Variants in ACCS observed in about 807,000 individuals in gnomAD.
ACCS encodes 1-aminocyclopropane-1-carboxylate synthase-like protein 1.
A neutral mutation model predicts 59.8 loss-of-function variants in ACCS; 42 were observed. That is an observed-to-expected ratio of 0.70 (90% confidence interval 0.55 to 0.91). The LOEUF is 0.91. ACCS is among the 40% of genes least tolerant of loss of function. The pLI, the probability that ACCS is intolerant of heterozygous loss-of-function variation, is 0.00. For synonymous variants in ACCS, 230 were observed against 240.3 expected, an observed-to-expected ratio of 0.96 and a Z score of 0.40; for missense variants, 602 against 630.4, an observed-to-expected ratio of 0.95 and a Z score of 0.48.
At position 44,077,053 on chromosome 11, in the gene ACCS, G is replaced by T. The variant is rs145592378; in HGVS notation, c.557-226G>T. The stretch of plus-strand genomic sequence containing the variant: ...CCTATGACGCAGGGGAATTATGGGA[G>T]CTATAATTCAAGATGAGATTTGGGT... On this transcript the variant is annotated intron_variant, in intron 6 of 14. Transcript: ENST00000263776. Among the ~76,000 whole-genome samples, 619 of 152,320 alleles carry T rather than the reference G, an allele frequency of 4.1e-3. 10 individuals are homozygous for T. The highest frequency in any genetic ancestry group is 1.1e-3 in the Non-Finnish European group (75 of 68,024).
chr11:44,071,970 C>T (rs933042610), intron 3 of ACCS, among the ~76,000 whole-genome samples: 2 of 151,964 alleles, frequency 1.3e-5, no homozygotes, highest in African/African-American at 4.8e-5. Flanking sequence ...TTTTATAATC[C>T]GATTTCTTGA....
At chr11:44,067,582 C>T in intron 1 of ACCS, 46 bp from the exon 2 acceptor site, 1 of 1,541,426 alleles carries the variant, frequency 6.5e-7, no homozygotes, top group Non-Finnish European at 8.7e-7. Context: ...ATGCTTGGTG[C>T]TATGGAAATC....
intron 10 of ACCS, 99 bp downstream of exon 10, chr11:44,079,719 C>G: frequency 9.5e-7 from 1 of 1,058,114 alleles, no homozygotes; most frequent in Non-Finnish European, 1.4e-6. Context: ...CTGCCCAGAG[C>G]AATTCCATTT....
chr11:44,079,666 A>T, intron 10 of ACCS, 46 bp downstream of exon 10: 3 of 1,547,114 alleles, frequency 1.9e-6, no homozygotes, highest in South Asian at 1.2e-5. Flanking sequence ...CTATTATCCC[A>T]CGGAGCCCTG....
Position 44,081,321 on chromosome 11 carries a change from GT to G in ACCS, c.1111+2del, listed in dbSNP as rs766943117. 5 of 1,613,588 alleles carry G rather than the reference GT, an allele frequency of 3.1e-6. No homozygotes were observed. The highest frequency in any genetic ancestry group is 4.2e-6 in the Non-Finnish European group (5 of 1,179,612). On this transcript the variant is annotated splice_donor_variant, in intron 12 of 14. Transcript: ENST00000263776. LOFTEE classifies it high-confidence loss of function. ...ATGGCACAGCTGCTCCGGGACCGTG[GT>G]GACTGCCTGGGCCTGGTGACCTGAA...
At chr11:44,079,437 C>A in intron 9 of ACCS, 94 bp from the exon 10 acceptor site, 1 of 1,011,628 alleles carries the variant, frequency 9.9e-7, no homozygotes, top group Non-Finnish European at 1.5e-6. Context: ...TAGACCCCGG[C>A]CCCTCTGGAT....
In ACCS at chr11:44,075,517, C is replaced by T. The variant is rs189131692; in HGVS notation, c.490-9C>T. 1.5e-4 allele frequency: 237 copies of T among 1,613,962 alleles called. 1 individual carries two copies. The Admixed American group carries it at 2.6e-3, about 18-fold the overall frequency. On this transcript the variant is annotated splice_polypyrimidine_tract_variant and intron_variant, in intron 5 of 14. Coordinates refer to ENST00000263776, the MANE Select transcript of ACCS (RefSeq NM_032592.4). The stretch of plus-strand genomic sequence containing the variant: ...GTTCATCTTCATCCCTTGGATATGT[C>T]GCCCTTAGGTGGTTGTCCTGAATGG...
In ACCS at chr11:44,081,281, T is replaced by G. The variant is rs1347467217; in HGVS notation, c.1072T>G (p.Leu358Val). 2 of 1,614,250 alleles carry G rather than the reference T, an allele frequency of 1.2e-6. No individual in the cohort carries two copies. Among genetic ancestry groups the G allele is most frequent in the Non-Finnish European group, 1.7e-6 (2 of 1,180,044 alleles). ...CTGCCGCTACCACGGCCTCAGTGGCTTGGTCCAGTACCAGATGGCACAGCT... is the reference window on the plus strand; with the variant it reads ...CTGCCGCTACCACGGCCTCAGTGGCGTGGTCCAGTACCAGATGGCACAGCT... ...SLCRYHGLSG[L>V]VQYQMAQLLR... Residue 358 changes from leucine to valine, a missense_variant, in exon 12 of 15, where the codon TTG becomes GTG. Physicochemically the swap from Leu to Val is conservative, Grantham distance 32. Coordinates refer to ENST00000263776, the MANE Select transcript of ACCS (RefSeq NM_032592.4).
chr11:44,068,010 T>A (rs575554327), intron 2 of ACCS, 95 bp downstream of exon 2: 2 of 1,386,406 alleles, frequency 1.4e-6, no homozygotes, highest in Middle Eastern at 2.6e-4. Context: ...CCTGCTCTTA[T>A]GAGGTTGGAG....
intron 8 of ACCS, 40 bp downstream of exon 8, chr11:44,077,962 G>A (rs1226859073): frequency 2.5e-6 from 4 of 1,603,498 alleles, no homozygotes; most frequent in Non-Finnish European, 3.4e-6. Flanking sequence ...GGTGTGGGTG[G>A]GTCTGAGCAG....
chr11:44,074,562 C>A, intron 4 of ACCS, 50 bp from the exon 5 acceptor site: 1 of 1,438,740 alleles, frequency 7.0e-7, no homozygotes, highest in Non-Finnish European at 9.8e-7. Context: ...CAGGATGCAC[C>A]GTGGGTTGGG....
Position 44,067,707 on chromosome 11 carries a change from G to C in ACCS, c.80G>C (p.Ser27Thr). The change falls in exon 2 of 15, where the codon AGC becomes ACC. Residue 27 changes from serine to threonine, a missense_variant. Physicochemically the swap from Ser to Thr is moderately conservative, Grantham distance 58. Coordinates refer to ENST00000263776, the MANE Select transcript of ACCS (RefSeq NM_032592.4). ...ACCTGCATGCAGGACCTGGGCAGTA[G>C]CCATGGGGAAGATCTGGAAGGAGAA... ...GPTCMQDLGS[S>T]HGEDLEGECS... The C allele has an allele frequency of 6.2e-7, 1 of 1,614,234 alleles. No homozygotes were observed. The highest frequency in any genetic ancestry group is 8.5e-7 in the Non-Finnish European group (1 of 1,180,050).
chr11:44,074,716 C>T (rs771022311), intron 5 of ACCS, 35 bp downstream of exon 5: 3 of 1,316,576 alleles, frequency 2.3e-6, no homozygotes, highest in Admixed American at 4.6e-5. Flanking sequence ...TTCCTGTTCT[C>T]CTGCCTCCCC....
intron 6 of ACCS, chr11:44,075,934 T>C (rs1182245322): frequency 1.4e-5 from 3 of 222,046 alleles, no homozygotes; most frequent in African/African-American, 6.7e-5. Flanking sequence ...GAGATGGGGA[T>C]GGGGATGCTG....
At chr11:44,075,422 C>A in intron 5 of ACCS, 104 bp from the exon 6 acceptor site, 3 of 1,263,598 alleles carry the variant, frequency 2.4e-6, no homozygotes, top group Non-Finnish European at 3.4e-6. Flanking sequence ...CAGGTGGCAC[C>A]AAGGCAGGGC....
At chr11:44,069,499 G>T (rs1173597593) in intron 2 of ACCS, among the ~76,000 whole-genome samples, 2 of 152,222 alleles carry the variant, frequency 1.3e-5, no homozygotes, top group African/African-American at 4.8e-5. Context: ...TTACAGGCAT[G>T]AGCCACCGCG....
At chr11:44,069,880 C>G (rs1952968618) in intron 2 of ACCS, among the ~76,000 whole-genome samples, 1 of 152,202 alleles carries the variant, frequency 6.6e-6, no homozygotes. Flanking sequence ...TTGCTAGGCC[C>G]AGCCCATACT....
chr11:44,080,737 CTT>C, intron 10 of ACCS: 3 of 505,998 alleles, frequency 5.9e-6, no homozygotes, highest in Non-Finnish European at 1.1e-5. Context: ...GGGAAAGTCT[CTT>C]TGATGAGTGA....
intron 2 of ACCS, among the ~76,000 whole-genome samples, chr11:44,069,914 C>T (rs1952970051): frequency 6.6e-6 from 1 of 152,172 alleles, no homozygotes; most frequent in Admixed American, 6.5e-5. Context: ...TACCAGTAGG[C>T]CTTACAGGCT....
Sources: gnomAD v4.1 joint callset for allele counts (sites outside exome capture counted in the v4.1 genomes callset) on GRCh38, gnomAD v4.1.1 for gene constraint, MANE v1.5 for transcripts, NCBI Gene and HGNC (gene_info 2026-07-23, HGNC 2026-07-21) for gene names.